The following EVA1A variants were observed in gnomAD, a reference collection of about 807,000 sequenced individuals.
EVA1A encodes the protein eva-1 homolog A, regulator of programmed cell death, also known as protein eva-1 homolog A.
A neutral mutation model predicts 9.8 loss-of-function variants in EVA1A; 7 were observed. That is an observed-to-expected ratio of 0.71 (90% CI 0.41 to 1.34). The LOEUF (loss-of-function observed/expected upper bound fraction) is 1.34. Ranked by LOEUF, EVA1A falls within the 40% of genes most tolerant of loss-of-function variation. EVA1A has a pLI of 0.01. For synonymous variants in EVA1A, 90 were observed against 85.6 expected (o/e 1.05, Z -0.28); for missense variants, 206 against 205.9 (o/e 1.00, Z 0.00).
At chr2:75,513,230 T>C (rs1007959080) in intron 3 of EVA1A, among the ~76,000 whole-genome samples, 1 of 152,224 alleles carries the variant, frequency 6.6e-6, no homozygotes, top group African/African-American at 2.4e-5. Flanking sequence ...TCCAGTCAAG[T>C]GCATAAACAT....
At chr2:75,553,457 T>C (rs1319914232) in intron 1 of EVA1A, among the ~76,000 whole-genome samples, 2 of 152,258 alleles carry the variant, frequency 1.3e-5, no homozygotes, top group Non-Finnish European at 2.9e-5. Flanking sequence ...TTACTATCTC[T>C]GATTTCCTCA....
At chr2:75,494,581 G>A (rs530467196) in intron 3 of EVA1A, among the ~76,000 whole-genome samples, 1 of 152,190 alleles carries the variant, frequency 6.6e-6, no homozygotes, top group Admixed American at 6.5e-5. Flanking sequence ...TTTGAGGAAT[G>A]GTGCCAACAG....
In EVA1A at chr2:75,547,935, C is replaced by T. The variant is rs532435233; in HGVS notation, c.-192+12745G>A. 1.5e-3 allele frequency among the ~76,000 whole-genome samples: 228 copies of T among 152,332 alleles called. 3 individuals are homozygous for T. Among genetic ancestry groups the T allele is most frequent in the South Asian group, 4.1e-3 (20 of 4,826 alleles). On this transcript the variant is annotated intron_variant, in intron 1 of 3. Coordinates refer to ENST00000393913, the MANE Select transcript of EVA1A (RefSeq NM_001135032.2). ...CTCATTTGCATATTGTCTGTGGCTC[C>T]TTTTGCACCATAGTGGCAGAGCTGA... is the stretch of plus-strand genomic sequence containing the variant.
intron 3 of EVA1A, among the ~76,000 whole-genome samples, chr2:75,514,089 A>G (rs1434332479): frequency 6.6e-6 from 1 of 152,220 alleles, no homozygotes; most frequent in African/African-American, 2.4e-5. Context: ...AAACAAGATC[A>G]TGGAGGCAAG....
At chr2:75,552,387 C>T (rs12053280) in intron 1 of EVA1A, among the ~76,000 whole-genome samples, 38,030 of 151,904 alleles carry the variant, frequency 0.25, 5,833 homozygotes, top group Admixed American at 0.37. Context: ...ATGAATAGCC[C>T]CACTATCCTT....
chr2:75,559,025 T>C (rs1033077079), intron 1 of EVA1A, among the ~76,000 whole-genome samples: 4 of 152,256 alleles, frequency 2.6e-5, no homozygotes, highest in Non-Finnish European at 4.4e-5. Flanking sequence ...GAGACTGGTA[T>C]AATCAGCCAA....
intron 1 of EVA1A, among the ~76,000 whole-genome samples, chr2:75,543,169 T>C (rs1338964549): frequency 6.6e-6 from 1 of 152,176 alleles, no homozygotes; most frequent in Non-Finnish European, 1.5e-5. Flanking sequence ...CCGAATCCTG[T>C]ATGGCTTTTT....
intron 1 of EVA1A, among the ~76,000 whole-genome samples, chr2:75,566,694 CT>C (rs1176342828): frequency 6.6e-5 from 10 of 152,202 alleles, no homozygotes; most frequent in Non-Finnish European, 1.3e-4. Flanking sequence ...AACACTTTGT[CT>C]TGCTTGGGGC....
intron 1 of EVA1A, among the ~76,000 whole-genome samples, chr2:75,529,901 C>T (rs1002383110): frequency 6.6e-6 from 1 of 151,908 alleles, no homozygotes; most frequent in Non-Finnish European, 1.5e-5. Flanking sequence ...AGGATCGCAA[C>T]AGAACTAAAT....
intron 1 of EVA1A, among the ~76,000 whole-genome samples, chr2:75,553,334 G>T (rs892995792): frequency 3.9e-5 from 6 of 152,248 alleles, no homozygotes; most frequent in African/African-American, 1.4e-4. Context: ...CATTGATTGA[G>T]CATCTGCCAT....
At chr2:75,531,007 AGACTCATCAAAAAGCTCCTAGAAC>A (rs1675627993) in intron 1 of EVA1A, among the ~76,000 whole-genome samples, 1 of 152,210 alleles carries the variant, frequency 6.6e-6, no homozygotes, top group Non-Finnish European at 1.5e-5. Flanking sequence ...AAAACCCTCA[AGACTCATCAAAAAGCTCCTAGAAC>A]TGATAAATGA....
intron 3 of EVA1A, among the ~76,000 whole-genome samples, chr2:75,507,940 C>A (rs1021518863): frequency 1.3e-5 from 2 of 152,212 alleles, no homozygotes; most frequent in Admixed American, 1.3e-4. Context: ...GTGAAGATTT[C>A]ATGGACATTT....
intron 1 of EVA1A, among the ~76,000 whole-genome samples, chr2:75,537,079 T>C (rs1675935088): frequency 6.6e-6 from 1 of 152,162 alleles, no homozygotes; most frequent in Non-Finnish European, 1.5e-5. Flanking sequence ...GCAAGTAGAA[T>C]TCAGGAACGT....
chr2:75,516,458 G>A (rs1326332902), intron 3 of EVA1A, among the ~76,000 whole-genome samples: 8 of 152,188 alleles, frequency 5.3e-5, no homozygotes, highest in Admixed American at 2.6e-4. Context: ...TAATTCATGA[G>A]TATGGGGCAG....
intron 2 of EVA1A, among the ~76,000 whole-genome samples, chr2:75,519,137 G>C (rs1001642497): frequency 1.3e-5 from 2 of 152,214 alleles, no homozygotes; most frequent in Non-Finnish European, 2.9e-5. Flanking sequence ...GCATTGCCCA[G>C]TTACTCAGCA....
chr2:75,495,504 C>T (rs570893529), intron 3 of EVA1A, among the ~76,000 whole-genome samples: 1 of 152,288 alleles, frequency 6.6e-6, no homozygotes, highest in South Asian at 2.1e-4. Context: ...AAGGTAATGG[C>T]ATTAAGTTGT....
At chr2:75,543,330 T>G (rs750717905) in intron 1 of EVA1A, among the ~76,000 whole-genome samples, 3 of 152,092 alleles carry the variant, frequency 2.0e-5, no homozygotes, top group Non-Finnish European at 4.4e-5. Flanking sequence ...TCTACAAATA[T>G]GTAGAACTCG....
intron 3 of EVA1A, 74 bp from the exon 4 acceptor site, chr2:75,493,683 G>A (rs1280832668): frequency 1.4e-6 from 2 of 1,411,188 alleles, no homozygotes; most frequent in South Asian, 1.5e-5. Flanking sequence ...TATGACTCCA[G>A]CCTACACTTC....
intron 1 of EVA1A, among the ~76,000 whole-genome samples, chr2:75,538,921 C>T (rs909080716): frequency 6.6e-6 from 1 of 152,192 alleles, no homozygotes; most frequent in Admixed American, 6.5e-5. Flanking sequence ...TGTTCTGTAT[C>T]TTGACTGTAT....
Sources: allele counts gnomAD v4.1 joint callset (sites outside exome capture counted in the v4.1 genomes callset), GRCh38; gene constraint gnomAD v4.1.1; transcripts MANE v1.5; gene names NCBI Gene and HGNC (gene_info 2026-07-23, HGNC 2026-07-21).